Variants in PPRC1 observed in about 807,000 individuals in gnomAD.
PPRC1 encodes the protein peroxisome proliferator-activated receptor gamma coactivator-related protein 1.
In PPRC1, 23 loss-of-function variants were observed where a neutral mutation model predicts 132.5. The observed-to-expected ratio is 0.17, with a 90% CI of 0.12 to 0.25. The LOEUF is 0.25. PPRC1 is among the 10% of genes least tolerant of loss of function. The pLI is 1.00. For missense variants in PPRC1, 2,006 were observed against 2,089.1 expected, an observed-to-expected ratio of 0.96 and a Z score of 0.78; for synonymous variants, 872 against 833.5, an observed-to-expected ratio of 1.05 and a Z score of -0.80.
chr10:102,123,064 CT>C, the PPRC1 span, among the ~76,000 whole-genome samples: 1 of 152,176 alleles, frequency 6.6e-6, no homozygotes, highest in Non-Finnish European at 1.5e-5. Flanking sequence ...GAAGATTACC[CT>C]TCCCACTCCC....
chr10:102,140,320 T>C lies in PPRC1; in HGVS notation c.1812T>C (p.Pro604=). ...CAGTTGGCCCTGTTCTAGCTGGCCCTGTACCTGTTGACCCTGGGTTGGTTG... is the reference window on the plus strand; with the variant it reads ...CAGTTGGCCCTGTTCTAGCTGGCCCCGTACCTGTTGACCCTGGGTTGGTTG... The part of the protein sequence containing the change: ...PTAVGPVLAG[P]VPVDPGLVDL... Residue 604 remains proline (P), a synonymous_variant, in exon 5 of 14, where the codon CCT becomes CCC. Transcript: ENST00000278070. 2 of 1,614,230 alleles carry C rather than the reference T, an allele frequency of 1.2e-6. No individual in the cohort carries two copies. Among genetic ancestry groups the C allele is most frequent in the Non-Finnish European group, 1.7e-6 (2 of 1,180,048 alleles).
the PPRC1 span, chr10:102,120,497 C>G: frequency 2.1e-6 from 1 of 487,532 alleles, no homozygotes; most frequent in Non-Finnish European, 2.7e-6. Flanking sequence ...CAGCCCAAGC[C>G]GGGCAGGGCC....
chr10:102,138,329 C>T (rs533943366), intron 2 of PPRC1, among the ~76,000 whole-genome samples: 1 of 152,294 alleles, frequency 6.6e-6, no homozygotes, highest in South Asian at 2.1e-4. Context: ...TTTTTCAGCT[C>T]ATTTCTAGCC....
chr10:102,140,314 T>A lies in PPRC1; in HGVS notation c.1806T>A (p.Ala602=). Residue 602 remains alanine, a synonymous_variant, in exon 5 of 14, where the codon GCT becomes GCA. Transcript: ENST00000278070. Reference sequence around the variant, plus strand: ...CCACTGCAGTTGGCCCTGTTCTAGCTGGCCCTGTACCTGTTGACCCTGGGT... The same window carrying A: ...CCACTGCAGTTGGCCCTGTTCTAGCAGGCCCTGTACCTGTTGACCCTGGGT... ...ADPTAVGPVL[A]GPVPVDPGLV... The A allele has an allele frequency of 6.2e-7, 1 of 1,614,224 alleles. No homozygotes were observed. The highest frequency in any genetic ancestry group is 8.5e-7 in the Non-Finnish European group (1 of 1,180,036).
chr10:102,140,394 C>T lies in PPRC1; in HGVS notation c.1886C>T (p.Pro629Leu). Residue 629 changes from proline (P) to leucine (L), a missense_variant, in exon 5 of 14, where the codon CCA becomes CTA. Around this residue, in one of 2 missense-constraint regions of PPRC1, gnomAD observed 1,914 missense variants for 1,917.2 expected, o/e 1.00. Transcript: ENST00000278070. ...CTGGTTGAGCCTCTCCCGGCTGAGCCAGTGCTGATCAACCCAGTCCTGGCT... is the reference window on the plus strand; with the variant it reads ...CTGGTTGAGCCTCTCCCGGCTGAGCTAGTGCTGATCAACCCAGTCCTGGCT... Reference protein sequence around the residue: ...SELVEPLPAEPVLINPVLADS... With the variant: ...SELVEPLPAELVLINPVLADS... 6.2e-7 allele frequency: 1 copy of T among 1,614,214 alleles called. No homozygotes were observed. The highest frequency in any genetic ancestry group is 8.5e-7 in the Non-Finnish European group (1 of 1,180,036).
At position 102,141,224 on chromosome 10, in the gene PPRC1, A is replaced by G. The variant is rs760590599; in HGVS notation, c.2716A>G (p.Met906Val). 18 of 1,612,806 alleles carry G rather than the reference A, an allele frequency of 1.1e-5. No homozygotes were observed. Among genetic ancestry groups the G allele is most frequent in the Admixed American group, 5.0e-5 (3 of 59,904 alleles). Reference sequence around the variant, plus strand: ...GCAGCCTCCTAGTCTTCCATTGTCTATGGGGCCAGTACTACCTGATCCGTT... The same window carrying G: ...GCAGCCTCCTAGTCTTCCATTGTCTGTGGGGCCAGTACTACCTGATCCGTT... Reference protein sequence around the residue: ...PLQPPSLPLSMGPVLPDPFTH... With the variant: ...PLQPPSLPLSVGPVLPDPFTH... The change falls in exon 5 of 14, where the codon ATG (methionine) becomes GTG (valine). Residue 906 changes from methionine to valine, a missense_variant. This residue lies in a region of PPRC1 where 1,914 missense variants were observed against 1,917.2 expected (regional missense o/e 1.00). Transcript: ENST00000278070.
chr10:102,144,631 G>T, intron 7 of PPRC1: 1 of 480,536 alleles, frequency 2.1e-6, no homozygotes, highest in South Asian at 2.5e-5. Flanking sequence ...CTCAGTGCTG[G>T]TAATGGTGTA....
At chr10:102,135,487 C>T (rs2068690224) in intron 1 of PPRC1, among the ~76,000 whole-genome samples, 1 of 152,132 alleles carries the variant, frequency 6.6e-6, no homozygotes, top group South Asian at 2.1e-4. Context: ...CATGCAATTC[C>T]CCTGCCTCAG....
chr10:102,144,561 C>T lies in PPRC1; in HGVS notation c.3608+254C>T, dbSNP rs541483176. 20 of 552,054 alleles carry T rather than the reference C, an allele frequency of 3.6e-5. No individual in the cohort carries two copies. In the South Asian group the frequency reaches 4.5e-4, roughly 13 times the overall value. The allele number at this position is 552,054 out of a possible 1,614,324, so 34.2% of individuals were successfully genotyped here. ...CAAATGTCCTAGAGGTGCCTTTTAT[C>T]TCCTGGCAAGTCATACCTTTGGGGA... On this transcript the variant is annotated intron_variant, in intron 7 of 13. Coordinates refer to ENST00000278070, the MANE Select transcript of PPRC1 (RefSeq NM_015062.5).
chr10:102,141,850 C>G lies in PPRC1; in HGVS notation c.3342C>G (p.Pro1114=). ...TQETRPREKP[P]LPATKAVPTP... is the part of the protein sequence containing the mutation. ...AGACCAGGCCCAGGGAGAAGCCCCC[C>G]TTGCCTGCTACCAAGGCTGTTCCCA... Residue 1114 remains proline, a synonymous_variant, in exon 5 of 14, where the codon CCC becomes CCG. Coordinates refer to ENST00000278070, the MANE Select transcript of PPRC1 (RefSeq NM_015062.5). The G allele has an allele frequency of 1.9e-6, 3 of 1,614,092 alleles. No homozygotes were observed. The South Asian group carries it at 3.3e-5, about 18-fold the overall frequency.
chr10:102,131,976 A>AATT (rs1323472533), upstream of PPRC1, among the ~76,000 whole-genome samples: 1 of 152,228 alleles, frequency 6.6e-6, no homozygotes, highest in Non-Finnish European at 1.5e-5. Context: ...ACTTCAATAT[A>AATT]ATTTAAATAA....
At chr10:102,123,239 C>G in the PPRC1 span, among the ~76,000 whole-genome samples, 2 of 152,214 alleles carry the variant, frequency 1.3e-5, no homozygotes, top group African/African-American at 4.8e-5. Flanking sequence ...TTGCTCCACT[C>G]CTTGCCTTAC....
rs1030571113 is a variant in PPRC1, at chr10:102,149,912, C to T, written c.4892-14C>T. ...TGTGGTCAGAGACCTTGAAGTTTGT[C>T]TTTACCTTTATAGACTCCAACCGGG... On this transcript the variant is annotated splice_polypyrimidine_tract_variant and intron_variant, in intron 13 of 13. Coordinates refer to ENST00000278070, the MANE Select transcript of PPRC1 (RefSeq NM_015062.5). 1 of 1,588,698 alleles carries T rather than the reference C, an allele frequency of 6.3e-7. No individual in the cohort carries two copies. The highest frequency in any genetic ancestry group is 2.2e-5 in the East Asian group (1 of 44,740).
chr10:102,120,272 G>C, the PPRC1 span: 2 of 983,914 alleles, frequency 2.0e-6, no homozygotes, highest in Non-Finnish European at 2.4e-6. Flanking sequence ...GCTGCGGCGA[G>C]GGGCCTGTCA....
chr10:102,120,372 CGTGTGTGCGT>C, the PPRC1 span: 3 of 983,982 alleles, frequency 3.0e-6, no homozygotes, highest in African/African-American at 1.8e-5. Context: ...AGTGTGTGTC[CGTGTGTGCGT>C]GTGTGCGCGT....
chr10:102,138,143 C>A, intron 2 of PPRC1, 105 bp downstream of exon 2: 1 of 1,198,660 alleles, frequency 8.3e-7, no homozygotes, highest in Non-Finnish European at 1.2e-6. Flanking sequence ...TTAGCTTCTT[C>A]CTGGGTGCCC....
chr10:102,141,321 C>G lies in PPRC1; in HGVS notation c.2813C>G (p.Pro938Arg), dbSNP rs764388332. ...HVSPSGYPCL[P>R]PPPTVPLVSG... ...TCCCCTTCTGGCTATCCTTGCCTGC[C>G]CCCCCCACCAACGGTGCCCCTAGTG... Residue 938 changes from proline to arginine, a missense_variant, in exon 5 of 14, where the codon CCC becomes CGC. This residue lies in a region of PPRC1 where 1,914 missense variants were observed against 1,917.2 expected (regional missense o/e 1.00). Transcript: ENST00000278070. The G allele has an allele frequency of 5.0e-6, 8 of 1,613,832 alleles. No individual in the cohort carries two copies. The Admixed American group carries it at 8.3e-5, about 17-fold the overall frequency.
intron 1 of PPRC1, among the ~76,000 whole-genome samples, chr10:102,134,237 G>C (rs2068638269): frequency 6.6e-6 from 1 of 152,124 alleles, no homozygotes; most frequent in African/African-American, 2.4e-5. Flanking sequence ...GCATGCTCCT[G>C]TAATCTGACA....
chr10:102,120,380 CGT>C, the PPRC1 span: 3 of 984,198 alleles, frequency 3.0e-6, no homozygotes, highest in South Asian at 1.4e-4. Flanking sequence ...TCCGTGTGTG[CGT>C]GTGTGCGCGT....
Sources: allele counts gnomAD v4.1 joint callset (sites outside exome capture counted in the v4.1 genomes callset), GRCh38; gene constraint gnomAD v4.1.1; regional missense constraint gnomAD v4.1.1; transcripts MANE v1.5; gene names NCBI Gene and HGNC (gene_info 2026-07-23, HGNC 2026-07-21).